Variants in XKR4 observed in about 807,000 individuals in gnomAD.
XKR4 encodes XK related 4.
In XKR4, 12 loss-of-function variants were observed where a neutral mutation model predicts 53.9. The ratio of observed to expected loss-of-function variants is 0.22; its 90% CI spans 0.14 to 0.36. The LOEUF (loss-of-function observed/expected upper bound fraction) is 0.36, where lower values mean the gene tolerates loss of function less well. Ranked by LOEUF, XKR4 falls within the 10% of genes least tolerant of loss-of-function variation. The pLI, the probability that XKR4 is intolerant of heterozygous loss-of-function variation, is 1.00. For missense variants in XKR4, 799 were observed against 859.5 expected (o/e 0.93, Z 0.88); for synonymous variants, 354 against 362.4 (o/e 0.98, Z 0.26).
intron 2 of XKR4, among the ~76,000 whole-genome samples, chr8:55,446,022 T>A (rs1805341337): frequency 6.6e-6 from 1 of 152,216 alleles, no homozygotes; most frequent in African/African-American, 2.4e-5. Flanking sequence ...GAAGGGCTGA[T>A]TGATGGAGTG....
intron 1 of XKR4, among the ~76,000 whole-genome samples, chr8:55,315,160 A>G (rs1819452822): frequency 6.6e-6 from 1 of 152,210 alleles, no homozygotes; most frequent in Non-Finnish European, 1.5e-5. Context: ...ATTTTAAATG[A>G]CAGATACTAA....
At chr8:55,260,590 G>C (rs1818510749) in intron 1 of XKR4, among the ~76,000 whole-genome samples, 1 of 152,180 alleles carries the variant, frequency 6.6e-6, no homozygotes, top group Non-Finnish European at 1.5e-5. Context: ...TCTCTTGTGA[G>C]AGAGAGGGGC....
At chr8:55,321,038 A>G (rs1405869385) in intron 1 of XKR4, among the ~76,000 whole-genome samples, 1 of 152,048 alleles carries the variant, frequency 6.6e-6, no homozygotes, top group Non-Finnish European at 1.5e-5. Context: ...CCACACCTGC[A>G]TCTTATCTCT....
At chr8:55,243,858 G>T (rs1188001136) in intron 1 of XKR4, among the ~76,000 whole-genome samples, 1 of 152,180 alleles carries the variant, frequency 6.6e-6, no homozygotes, top group Non-Finnish European at 1.5e-5. Context: ...CTCCCTGCAT[G>T]GTAGCGATGA....
intron 2 of XKR4, chr8:55,449,761 G>T: frequency 9.2e-7 from 1 of 1,087,962 alleles, no homozygotes; most frequent in Non-Finnish European, 1.4e-6. Context: ...GCTTGGTCTT[G>T]TCTAACATGA....
chr8:55,419,645 T>TA (rs1804896415), intron 2 of XKR4, among the ~76,000 whole-genome samples: 1 of 152,246 alleles, frequency 6.6e-6, no homozygotes, highest in Admixed American at 6.5e-5. Flanking sequence ...TCCTGAGACC[T>TA]AGTTAGGGTC....
At chr8:55,224,863 T>A (rs1250657609) in intron 1 of XKR4, among the ~76,000 whole-genome samples, 2 of 152,182 alleles carry the variant, frequency 1.3e-5, no homozygotes. Flanking sequence ...ATAGAAACAT[T>A]GGTTTCAAAT....
rs7821964 is a variant in XKR4 at position 55,175,961 on chromosome 8, G to A, written c.806+72667G>A. Among the ~76,000 whole-genome samples, 4 of 152,124 alleles carry A rather than the reference G, an allele frequency of 2.6e-5. No individual in the cohort carries two copies. The East Asian group carries it at 5.8e-4, about 22-fold the overall frequency. ...TGTTAAGTCATATAATGGTCAGTTTGCACTCTATAGAATGAAAATATTAAT... is the reference window on the plus strand; with the variant it reads ...TGTTAAGTCATATAATGGTCAGTTTACACTCTATAGAATGAAAATATTAAT... On this transcript the variant is annotated intron_variant, in intron 1 of 2. Transcript: ENST00000327381.
At chr8:55,449,597 G>A in intron 2 of XKR4, 2 of 1,235,326 alleles carry the variant, frequency 1.6e-6, no homozygotes, top group Admixed American at 3.4e-5. Context: ...AACGCGAGGA[G>A]TTGTCTTCAC....
chr8:55,310,776 CG>C (rs1819377209), intron 1 of XKR4, among the ~76,000 whole-genome samples: 1 of 151,990 alleles, frequency 6.6e-6, no homozygotes, highest in African/African-American at 2.4e-5. Context: ...CCTCAGAAGC[CG>C]ACCCTGAGTG....
intron 2 of XKR4, among the ~76,000 whole-genome samples, chr8:55,414,168 TA>T (rs915915478): frequency 2.7e-4 from 41 of 152,310 alleles, no homozygotes; most frequent in African/African-American, 9.4e-4. Context: ...ATTAATATGT[TA>T]AAAATGTGTG....
intron 2 of XKR4, among the ~76,000 whole-genome samples, chr8:55,470,077 G>A (rs564546331): frequency 6.6e-6 from 1 of 152,086 alleles, no homozygotes; most frequent in South Asian, 2.1e-4. Context: ...ATGTAATGGG[G>A]GAAAGTAAAG....
intron 2 of XKR4, among the ~76,000 whole-genome samples, chr8:55,472,371 A>G (rs1805901425): frequency 6.6e-6 from 1 of 152,194 alleles, no homozygotes; most frequent in African/African-American, 2.4e-5. Context: ...TTCAAAATGC[A>G]AATTCAGTCA....
chr8:55,493,203 G>A (rs1307177743), intron 2 of XKR4, among the ~76,000 whole-genome samples: 2 of 152,176 alleles, frequency 1.3e-5, no homozygotes, highest in Admixed American at 1.3e-4. Flanking sequence ...GCAAAAATTG[G>A]GAAAGTTGGT....
In XKR4 at chr8:55,102,604, C is replaced by G. The variant is rs1461144394; in HGVS notation, c.116C>G (p.Pro39Arg). 3 of 1,468,740 alleles carry G rather than the reference C, an allele frequency of 2.0e-6. No homozygotes were observed. Among genetic ancestry groups the G allele is most frequent in the Non-Finnish European group, 1.8e-6 (2 of 1,099,898 alleles). The allele number at this position is 1,468,740 out of a possible 1,614,324, so 91.0% of individuals were successfully genotyped here. The change falls in exon 1 of 3, where the codon CCG becomes CGG. Residue 39 changes from proline (P) to arginine (R), a missense_variant. Transcript: ENST00000327381. This position sits in a 1 kb window ranked among gnomAD's most constrained non-coding sequence, Gnocchi z 5.1. Reference sequence around the variant, plus strand: ...GTGCAGGGATTGGCTCCAGGCTTGCCGTCGGGGTCGGGAGCCGAGGACGAG... The same window carrying G: ...GTGCAGGGATTGGCTCCAGGCTTGCGGTCGGGGTCGGGAGCCGAGGACGAG... The part of the protein sequence containing the change: ...GSVQGLAPGL[P>R]SGSGAEDEEA...
Position 55,540,293 on chromosome 8 carries a change from G to A in XKR4, c.*16066G>A, listed in dbSNP as rs1272588926. 1 of 152,168 alleles carries A rather than the reference G, an allele frequency of 6.6e-6. No individual in the cohort carries two copies. The highest frequency in any genetic ancestry group is 6.5e-5 in the Admixed American group (1 of 15,274). 9.4% of individuals were successfully genotyped at this position (152,168 alleles called of 1,614,324 possible). On this transcript the variant is annotated 3_prime_UTR_variant, in exon 3 of 3. Transcript: ENST00000327381. The stretch of plus-strand genomic sequence containing the variant: ...CATTGTATTCCATGAACAAGTGATA[G>A]AAAACATATGGAAATTCTCTTTTGA...
intron 1 of XKR4, among the ~76,000 whole-genome samples, chr8:55,266,533 A>G (rs2129371802): frequency 1.3e-5 from 2 of 152,286 alleles, no homozygotes; most frequent in East Asian, 3.9e-4. Flanking sequence ...TTGAAAGAAG[A>G]TAGAAACTCA....
intron 1 of XKR4, among the ~76,000 whole-genome samples, chr8:55,157,223 T>C (rs2129356422): frequency 6.6e-6 from 1 of 152,330 alleles, no homozygotes; most frequent in East Asian, 1.9e-4. Context: ...GAGATATTTA[T>C]GAATAGGTTT....
At position 55,140,057 on chromosome 8, in the gene XKR4, C is replaced by A. The variant is rs1425537590; in HGVS notation, c.806+36763C>A. The A allele has an allele frequency of 1.2e-5, 4 of 323,804 alleles. No homozygotes were observed. The Admixed American group carries it at 1.3e-4, about 10-fold the overall frequency. 20.1% of individuals were successfully genotyped at this position (323,804 alleles called of 1,614,324 possible). Reference sequence around the variant, plus strand: ...GACTCTTACTGAGAAAGATTCTCATCCTATTTTATTTATTAAATTAGAAAA... The same window carrying A: ...GACTCTTACTGAGAAAGATTCTCATACTATTTTATTTATTAAATTAGAAAA... On this transcript the variant is annotated intron_variant, in intron 1 of 2. Transcript: ENST00000327381.
Sources: allele counts gnomAD v4.1 joint callset (sites outside exome capture counted in the v4.1 genomes callset), GRCh38; gene constraint gnomAD v4.1.1; non-coding constraint Gnocchi (gnomAD v3.1); transcripts MANE v1.5; gene names NCBI Gene and HGNC (gene_info 2026-07-23, HGNC 2026-07-21).